Variants in COL10A1 observed in about 807,000 individuals in gnomAD.
COL10A1 encodes collagen type X alpha 1 chain, also known as collagen alpha-1(X) chain.
COL10A1 carries 10 observed loss-of-function variants against 18.2 expected under a neutral mutation model. That is an observed-to-expected ratio of 0.55 (90% CI 0.34 to 0.93). The LOEUF is 0.93. Among genes scored for constraint, COL10A1 ranks in the 40% least tolerant of loss-of-function variants. The pLI, the probability that COL10A1 is intolerant of heterozygous loss-of-function variation, is 0.02. For missense variants in COL10A1, 897 were observed against 853.5 expected (o/e 1.05, Z -0.64); for synonymous variants, 330 against 316.6 (o/e 1.04, Z -0.45).
At chr6:116,211,393 C>G in the COL10A1 span, among the ~76,000 whole-genome samples, 4 of 151,848 alleles carry the variant, frequency 2.6e-5, no homozygotes, top group Admixed American at 6.6e-5. Context: ...ATAAAAAACC[C>G]AATACAATGA....
the COL10A1 span, among the ~76,000 whole-genome samples, chr6:116,170,245 TC>T: frequency 0.23 from 34,193 of 151,932 alleles, 4,142 homozygotes; most frequent in Middle Eastern, 0.34. Context: ...TTATCTTGTG[TC>T]CCCACCAGTG....
chr6:116,181,954 T>C, the COL10A1 span, among the ~76,000 whole-genome samples: 2 of 152,032 alleles, frequency 1.3e-5, no homozygotes, highest in African/African-American at 2.4e-5. Flanking sequence ...ATTTCTGAGA[T>C]TTTGGTGCAC....
the COL10A1 span, among the ~76,000 whole-genome samples, chr6:116,172,143 G>A: frequency 6.6e-5 from 10 of 152,020 alleles, no homozygotes; most frequent in Non-Finnish European, 1.5e-4. Flanking sequence ...TTGTAAATTT[G>A]TAAACCCTTT....
chr6:116,156,553 A>G (rs1256211749), intron 1 of COL10A1, among the ~76,000 whole-genome samples: 1 of 152,216 alleles, frequency 6.6e-6, no homozygotes, highest in Non-Finnish European at 1.5e-5. Flanking sequence ...GACCGATTAC[A>G]TGTGCTAATT....
At chr6:116,170,508 A>G in the COL10A1 span, among the ~76,000 whole-genome samples, 1 of 152,180 alleles carries the variant, frequency 6.6e-6, no homozygotes, top group African/African-American at 2.4e-5. Flanking sequence ...TTGTGGATAT[A>G]TAACTAAATC....
chr6:116,121,245 C>A lies in COL10A1; in HGVS notation c.871G>T (p.Gly291Trp). The part of the protein sequence containing the change: ...KGLPGAPGIA[G>W]PPGPPGFGKP... The stretch of plus-strand genomic sequence containing the variant: ...CCAAAGCCAGGAGGCCCTGGGGGCC[C>A]AGCTATTCCTGGAGCCCCAGGGAGA... Residue 291 changes from glycine to tryptophan, a missense_variant, in exon 3 of 3, where the codon GGG (glycine) becomes TGG (tryptophan). Physicochemically the swap from Gly to Trp is radical, Grantham distance 184. Transcript: ENST00000651968. The A allele has an allele frequency of 6.2e-7, 1 of 1,613,822 alleles. No individual in the cohort carries two copies. The highest frequency in any genetic ancestry group is 1.1e-5 in the South Asian group (1 of 91,070).
upstream of COL10A1, among the ~76,000 whole-genome samples, chr6:116,159,862 G>A (rs530502667): frequency 4.6e-5 from 7 of 152,156 alleles, no homozygotes; most frequent in Non-Finnish European, 7.4e-5. Context: ...GAGAACATGC[G>A]ATATTTGTTT....
intron 1 of COL10A1, among the ~76,000 whole-genome samples, chr6:116,143,886 G>A (rs1013830550): frequency 2.0e-5 from 3 of 152,074 alleles, no homozygotes; most frequent in Non-Finnish European, 4.4e-5. Flanking sequence ...TGTTTTCTCT[G>A]TTAGATTTTA....
In COL10A1 at chr6:116,120,090, G is replaced by C. The variant is rs779070916; in HGVS notation, c.2026C>G (p.Leu676Val). 6.8e-6 allele frequency: 11 copies of C among 1,614,026 alleles called. No individual in the cohort carries two copies. Among genetic ancestry groups the C allele is most frequent in the Non-Finnish European group, 9.3e-6 (11 of 1,179,966 alleles). ...GTGTGTACTCACATTGGAGCCACTA[G>C]GAATCCTGAGAAAGAGGAGTGGACA... ...EYVHSSFSGFLVAPM is the reference protein window; with the variant it reads ...EYVHSSFSGFVVAPM The change falls in exon 3 of 3, where the codon CTA (leucine) becomes GTA (valine). Residue 676 changes from leucine to valine, a missense_variant. By Grantham distance (32) the Leu-to-Val change is conservative. Coordinates refer to ENST00000651968, the MANE Select transcript of COL10A1 (RefSeq NM_000493.4).
At chr6:116,176,280 C>T in the COL10A1 span, among the ~76,000 whole-genome samples, 1 of 152,114 alleles carries the variant, frequency 6.6e-6, no homozygotes, top group African/African-American at 2.4e-5. Flanking sequence ...ATGCATGTAC[C>T]ACAGAGAGGG....
chr6:116,160,990 A>G (rs1582843804), upstream of COL10A1, among the ~76,000 whole-genome samples: 1 of 151,952 alleles, frequency 6.6e-6, no homozygotes, highest in Non-Finnish European at 1.5e-5. Context: ...GCACATATAC[A>G]CCATGGAATA....
chr6:116,120,867 G>A lies in COL10A1; in HGVS notation c.1249C>T (p.Pro417Ser). ...GPKGDPGVGG[P>S]PGLPGPVGPA... ...CCCACAGGGCCTGGGAGACCAGGAGGTCCTCCAACTCCAGGATCACCTTTT... is the reference window on the plus strand; with the variant it reads ...CCCACAGGGCCTGGGAGACCAGGAGATCCTCCAACTCCAGGATCACCTTTT... The change falls in exon 3 of 3, where the codon CCT (proline) becomes TCT (serine). Residue 417 changes from proline (P) to serine (S), a missense_variant. Pro to Ser is a moderately conservative substitution (Grantham distance 74). Coordinates refer to ENST00000651968, the MANE Select transcript of COL10A1 (RefSeq NM_000493.4). 6.2e-7 allele frequency: 1 copy of A among 1,613,824 alleles called. No homozygotes were observed. Among genetic ancestry groups the A allele is most frequent in the South Asian group, 1.1e-5 (1 of 91,064 alleles).
At chr6:116,206,932 A>C in the COL10A1 span, among the ~76,000 whole-genome samples, 1 of 151,990 alleles carries the variant, frequency 6.6e-6, no homozygotes, top group African/African-American at 2.4e-5. Flanking sequence ...ATTGGATTTT[A>C]AATGTTTTCT....
chr6:116,158,800 A>G (rs1562143672), upstream of COL10A1: 1 of 152,162 alleles, frequency 6.6e-6, no homozygotes, highest in African/African-American at 2.4e-5. Flanking sequence ...TTATACTTTT[A>G]TACAAAGCTC....
chr6:116,189,602 T>G, the COL10A1 span, among the ~76,000 whole-genome samples: 1 of 152,014 alleles, frequency 6.6e-6, no homozygotes, highest in Non-Finnish European at 1.5e-5. Flanking sequence ...TTCTTGTGTA[T>G]TAAATAAAGT....
the COL10A1 span, among the ~76,000 whole-genome samples, chr6:116,193,266 G>C: frequency 6.6e-6 from 1 of 152,036 alleles, no homozygotes; most frequent in Non-Finnish European, 1.5e-5. Context: ...TAAATAAGAA[G>C]TGGAGATATT....
At chr6:116,193,716 C>T in the COL10A1 span, among the ~76,000 whole-genome samples, 1 of 151,866 alleles carries the variant, frequency 6.6e-6, no homozygotes, top group East Asian at 1.9e-4. Flanking sequence ...CTGTAATAAA[C>T]CTTGAATCTT....
At chr6:116,144,720 A>C (rs942622941) in intron 1 of COL10A1, among the ~76,000 whole-genome samples, 1 of 152,192 alleles carries the variant, frequency 6.6e-6, no homozygotes, top group African/African-American at 2.4e-5. Context: ...CACCAGTAAC[A>C]TGTTCCCTAA....
At position 116,121,519 on chromosome 6, in the gene COL10A1, T is replaced by C; in HGVS notation, c.597A>G (p.Pro199=). ...GAGGGCCTGGAAGACCCCTCTCACC[T>C]GGACGACCAGGAGCACCATATCCCA... The part of the protein sequence containing the change: ...GEMGYGAPGR[P]GERGLPGPQG... The change falls in exon 3 of 3, where the codon CCA becomes CCG. Residue 199 remains proline (P), a synonymous_variant. Transcript: ENST00000651968. The C allele has an allele frequency of 6.2e-7, 1 of 1,614,136 alleles. No homozygotes were observed. Among genetic ancestry groups the C allele is most frequent in the Non-Finnish European group, 8.5e-7 (1 of 1,180,006 alleles).
Sources: gnomAD v4.1 joint callset for allele counts (sites outside exome capture counted in the v4.1 genomes callset) on GRCh38, gnomAD v4.1.1 for gene constraint, MANE v1.5 for transcripts, NCBI Gene and HGNC (gene_info 2026-07-23, HGNC 2026-07-21) for gene names.